ARMH1: variants seen among roughly 807,000 people sequenced by gnomAD.
ARMH1 encodes armadillo-like helical domain containing protein 1.
Under a neutral mutation model 50.2 loss-of-function variants are expected in ARMH1, and 34 were observed. That is an observed-to-expected ratio of 0.68 (90% CI 0.51 to 0.90). The LOEUF is 0.90. Among genes scored for constraint, ARMH1 ranks in the 40% least tolerant of loss-of-function variants. The pLI is 0.00. For missense variants in ARMH1, 538 were observed against 553.9 expected, an observed-to-expected ratio of 0.97 and a Z score of 0.29; for synonymous variants, 221 against 224.2, an observed-to-expected ratio of 0.99 and a Z score of 0.13.
At chr1:44,712,208 C>T (rs1408310284) in intron 6 of ARMH1, among the ~76,000 whole-genome samples, 2 of 152,202 alleles carry the variant, frequency 1.3e-5, no homozygotes, top group African/African-American at 4.8e-5. Flanking sequence ...CCTGTAATCC[C>T]AGAACTTTGG....
At chr1:44,725,052 C>A in intron 10 of ARMH1, 84 bp from the exon 11 acceptor site, 1 of 1,539,884 alleles carries the variant, frequency 6.5e-7, no homozygotes, top group Non-Finnish European at 8.8e-7. Flanking sequence ...CCGCCCCCCA[C>A]CTGCAACATC....
At chr1:44,693,833 G>A (rs945830503) in intron 2 of ARMH1, among the ~76,000 whole-genome samples, 1 of 152,030 alleles carries the variant, frequency 6.6e-6, no homozygotes, top group Non-Finnish European at 1.5e-5. Context: ...GTTTTTTGGT[G>A]CCCCTTTTAA....
At position 44,687,459 on chromosome 1, in the gene ARMH1, G is replaced by C. The variant is rs566642697; in HGVS notation, c.-22-2217G>C. On this transcript the variant is annotated intron_variant, in intron 1 of 11. Coordinates refer to ENST00000535358, the MANE Select transcript of ARMH1 (RefSeq NM_001145636.2). ...ACAAGTAGTATAAGCTCGTTATTTGGAAATACAGGGGTAAACAGCAGAAAA... is the reference window on the plus strand; with the variant it reads ...ACAAGTAGTATAAGCTCGTTATTTGCAAATACAGGGGTAAACAGCAGAAAA... 3.3e-5 allele frequency among the ~76,000 whole-genome samples: 5 copies of C among 152,300 alleles called. No individual in the cohort carries two copies. The East Asian group carries it at 9.6e-4, about 29-fold the overall frequency.
At chr1:44,715,404 G>A (rs576059251) in intron 6 of ARMH1, among the ~76,000 whole-genome samples, 5 of 152,242 alleles carry the variant, frequency 3.3e-5, no homozygotes, top group South Asian at 2.1e-4. Flanking sequence ...TGGTTTCTTC[G>A]TCTATTCAAT....
At chr1:44,723,470 T>C (rs1033674147) in intron 6 of ARMH1, among the ~76,000 whole-genome samples, 1 of 152,192 alleles carries the variant, frequency 6.6e-6, no homozygotes, top group Non-Finnish European at 1.5e-5. Context: ...TCTAGTCCCC[T>C]TCTCCTTCCT....
At chr1:44,686,928 G>A (rs1231200216) in intron 1 of ARMH1, among the ~76,000 whole-genome samples, 9 of 151,100 alleles carry the variant, frequency 6.0e-5, no homozygotes, top group South Asian at 2.1e-4. Flanking sequence ...CTGCAGGCCG[G>A]GCAACATAGT....
Position 44,725,521 on chromosome 1 carries a change from T to G in ARMH1, c.*118T>G. ...CTTGGCTCCAGGGGGGAGACGGGGA[T>G]TAGGCATCCCAGAGGGGCAGAGGAA... is the stretch of plus-strand genomic sequence containing the variant. On this transcript the variant is annotated 3_prime_UTR_variant, in exon 12 of 12. Coordinates refer to ENST00000535358, the MANE Select transcript of ARMH1 (RefSeq NM_001145636.2). The G allele has an allele frequency of 1.0e-6, 1 of 996,042 alleles. No homozygotes were observed. Among genetic ancestry groups the G allele is most frequent in the Non-Finnish European group, 1.5e-6 (1 of 658,424 alleles). The allele number at this position is 996,042 out of a possible 1,614,324, so 61.7% of individuals were successfully genotyped here.
chr1:44,682,285 A>C lies in ARMH1; in HGVS notation c.-22-7391A>C, dbSNP rs994778721. Among the ~76,000 whole-genome samples, 1 of 152,244 alleles carries C rather than the reference A, an allele frequency of 6.6e-6. No individual in the cohort carries two copies. Among genetic ancestry groups the C allele is most frequent in the African/African-American group, 2.4e-5 (1 of 41,462 alleles). ...TGTTGAAATTGCCTAGTGGCTCTTG[A>C]GTAAACAGGAAGGCTTACGTGTCAA... On this transcript the variant is annotated intron_variant, in intron 1 of 11. Transcript: ENST00000535358. This position sits in a 1 kb window ranked among gnomAD's most constrained non-coding sequence, Gnocchi z 4.5.
At chr1:44,722,195 A>G (rs1200929131) in intron 6 of ARMH1, among the ~76,000 whole-genome samples, 1 of 152,172 alleles carries the variant, frequency 6.6e-6, no homozygotes, top group African/African-American at 2.4e-5. Flanking sequence ...GGAGAGAGGC[A>G]CTTGACTACT....
intron 6 of ARMH1, among the ~76,000 whole-genome samples, chr1:44,718,201 G>C (rs1646927933): frequency 6.6e-6 from 1 of 152,138 alleles, no homozygotes; most frequent in African/African-American, 2.4e-5. Context: ...GTCATGTCTT[G>C]CTGCAGGAAG....
intron 4 of ARMH1, among the ~76,000 whole-genome samples, chr1:44,699,819 CTTTTCT>C (rs1645980423): frequency 6.7e-6 from 1 of 150,230 alleles, no homozygotes; most frequent in Middle Eastern, 3.5e-3. Flanking sequence ...TCCCTTTTTC[CTTTTCT>C]TTTTCTATTT....
chr1:44,707,280 G>GCACATATGCACTGCATT (rs1192930160), intron 6 of ARMH1, among the ~76,000 whole-genome samples: 1 of 151,142 alleles, frequency 6.6e-6, no homozygotes, highest in Non-Finnish European at 1.5e-5. Flanking sequence ...AGTGAGTACT[G>GCACATATGCACTGCATT]CACATATGCA....
chr1:44,678,992 A>T (rs1168320796), intron 1 of ARMH1, among the ~76,000 whole-genome samples: 1 of 152,226 alleles, frequency 6.6e-6, no homozygotes, highest in Non-Finnish European at 1.5e-5. Flanking sequence ...TTTATGGATG[A>T]GTCCAGATTT....
chr1:44,715,559 A>C (rs1344520669), intron 6 of ARMH1, among the ~76,000 whole-genome samples: 3 of 151,954 alleles, frequency 2.0e-5, no homozygotes, highest in Non-Finnish European at 4.4e-5. Flanking sequence ...AGGACCTCAC[A>C]TCTGTTTTTT....
At chr1:44,698,269 C>T in intron 4 of ARMH1, 40 bp downstream of exon 4, 2 of 1,497,126 alleles carry the variant, frequency 1.3e-6, no homozygotes, top group South Asian at 2.6e-5. Context: ...CCCTAGGGGC[C>T]TGAATGACAT....
At chr1:44,712,842 T>C (rs1403158842) in intron 6 of ARMH1, among the ~76,000 whole-genome samples, 2 of 151,564 alleles carry the variant, frequency 1.3e-5, no homozygotes, top group African/African-American at 4.8e-5. Flanking sequence ...TTTTATAACT[T>C]CAGTAGAGAC....
Position 44,705,956 on chromosome 1 carries a change from G to A in ARMH1, c.724+1783G>A, listed in dbSNP as rs1646324875. On this transcript the variant is annotated intron_variant, in intron 6 of 11. Coordinates refer to ENST00000535358, the MANE Select transcript of ARMH1 (RefSeq NM_001145636.2). ...AGGAAGGCAGACAGGGAAGTACAAG[G>A]TGTGTCCTGGGAATAATGGGTAGGT... Among the ~76,000 whole-genome samples, 3 of 152,210 alleles carry A rather than the reference G, an allele frequency of 2.0e-5. No homozygotes were observed. In the South Asian group the frequency reaches 6.2e-4, roughly 31 times the overall value.
intron 1 of ARMH1, among the ~76,000 whole-genome samples, chr1:44,679,390 A>G (rs1359239515): frequency 6.6e-6 from 1 of 152,160 alleles, no homozygotes; most frequent in Non-Finnish European, 1.5e-5. Context: ...TCCAAAAGCC[A>G]TTTTCCATTA....
intron 2 of ARMH1, among the ~76,000 whole-genome samples, chr1:44,692,280 T>TA (rs1049032064): frequency 2.0e-5 from 3 of 152,094 alleles, no homozygotes; most frequent in African/African-American, 7.2e-5. Context: ...ACCCCCTCCT[T>TA]ATTTGACCAA....
Sources: allele counts gnomAD v4.1 joint callset (sites outside exome capture counted in the v4.1 genomes callset), GRCh38; gene constraint gnomAD v4.1.1; non-coding constraint Gnocchi (gnomAD v3.1); transcripts MANE v1.5; gene names NCBI Gene and HGNC (gene_info 2026-07-23, HGNC 2026-07-21).